The following LIFR variants were observed in gnomAD, a reference collection of about 807,000 sequenced individuals.
LIFR encodes LIF receptor subunit alpha, also known as leukemia inhibitory factor receptor.
LIFR carries 84 observed loss-of-function variants against 122.2 expected under a neutral mutation model. That is an observed-to-expected ratio of 0.69 (90% CI 0.58 to 0.82). LIFR has a LOEUF of 0.82. LIFR is among the 40% of genes least tolerant of loss of function. The pLI is 0.00. For synonymous variants in LIFR, 422 were observed against 434.7 expected (o/e 0.97, Z 0.36); for missense variants, 1,294 against 1,311.6 (o/e 0.99, Z 0.21).
chr5:38,513,488 A>C (rs1745913327), intron 5 of LIFR, among the ~76,000 whole-genome samples: 1 of 152,244 alleles, frequency 6.6e-6, no homozygotes, highest in Non-Finnish European at 1.5e-5. Context: ...ATAAAGATTT[A>C]TGTTCTGGAA....
intron 1 of LIFR, among the ~76,000 whole-genome samples, chr5:38,584,021 C>T (rs932062547): frequency 3.9e-4 from 58 of 149,086 alleles, no homozygotes; most frequent in African/African-American, 1.4e-3. Context: ...AAATCTCTCT[C>T]TTTTTTTTTT....
upstream of LIFR, among the ~76,000 whole-genome samples, chr5:38,595,621 A>G (rs757698542): frequency 1.3e-5 from 2 of 152,114 alleles, no homozygotes; most frequent in Non-Finnish European, 2.9e-5. Flanking sequence ...CATGAGTCCA[A>G]CCCAGGTTAG....
chr5:38,485,732 C>T (rs940976896), intron 17 of LIFR, 87 bp downstream of exon 17: 7 of 1,441,434 alleles, frequency 4.9e-6, no homozygotes, highest in African/African-American at 2.8e-5. Context: ...TTAGAAAGGG[C>T]GGGGAGGGGT....
At chr5:38,583,372 A>G (rs1299945291) in intron 1 of LIFR, among the ~76,000 whole-genome samples, 3 of 152,194 alleles carry the variant, frequency 2.0e-5, no homozygotes, top group Non-Finnish European at 2.9e-5. Context: ...GAAACGAACC[A>G]ATTCTCATGA....
intron 1 of LIFR, among the ~76,000 whole-genome samples, chr5:38,555,356 C>G (rs536643676): frequency 6.6e-6 from 1 of 152,314 alleles, no homozygotes; most frequent in Non-Finnish European, 1.5e-5. Flanking sequence ...GGTTTTTCCA[C>G]TTGTGAAAAG....
rs1404592372 is a variant in LIFR, at chr5:38,479,814, GATTGGATATATTTTTC to G, written c.*1765_*1780del. The G allele has an allele frequency of 4.4e-6, 1 of 229,696 alleles. No homozygotes were observed. The highest frequency in any genetic ancestry group is 5.7e-5 in the Admixed American group (1 of 17,640). The allele number at this position is 229,696 out of a possible 1,614,324, so 14.2% of individuals were successfully genotyped here. On this transcript the variant is annotated 3_prime_UTR_variant, in exon 20 of 20. Transcript: ENST00000453190. Reference sequence around the variant, plus strand: ...GAGAACACTCTTTAGGGATGGCTCTGATTGGATATATTTTTCATTACTGAACATTTCTATGAACTAT... The same window carrying G: ...GAGAACACTCTTTAGGGATGGCTCTGATTACTGAACATTTCTATGAACTAT...
Position 38,478,691 on chromosome 5 carries a change from G to A in LIFR, c.*2904C>T, listed in dbSNP as rs1338009724. The A allele has an allele frequency of 2.4e-5, 5 of 205,472 alleles. No individual in the cohort carries two copies. The highest frequency in any genetic ancestry group is 5.0e-5 in the Non-Finnish European group (5 of 100,180). 12.7% of individuals were successfully genotyped at this position (205,472 alleles called of 1,614,324 possible). A position where few individuals can be genotyped will look rare whatever the true frequency, so the allele number is the denominator to read the frequency against. On this transcript the variant is annotated 3_prime_UTR_variant, in exon 20 of 20. Coordinates refer to ENST00000453190, the MANE Select transcript of LIFR (RefSeq NM_001127671.2). Reference sequence around the variant, plus strand: ...CATAATGATCTCCATTCCTCGCAAGGGAAGCTTGATTTGAAACTGGCTTGT... The same window carrying A: ...CATAATGATCTCCATTCCTCGCAAGAGAAGCTTGATTTGAAACTGGCTTGT...
intron 1 of LIFR, among the ~76,000 whole-genome samples, chr5:38,594,677 A>T (rs1750040201): frequency 6.6e-6 from 1 of 152,228 alleles, no homozygotes; most frequent in Non-Finnish European, 1.5e-5. Flanking sequence ...ACTATTTCTC[A>T]TAAAATATTT....
intron 1 of LIFR, among the ~76,000 whole-genome samples, chr5:38,534,288 T>C (rs939544137): frequency 6.6e-6 from 1 of 152,228 alleles, no homozygotes; most frequent in African/African-American, 2.4e-5. Flanking sequence ...TCATAAACTC[T>C]GCAGTTTGGT....
intron 5 of LIFR, among the ~76,000 whole-genome samples, chr5:38,519,000 G>A (rs1464679861): frequency 2.0e-5 from 3 of 152,292 alleles, no homozygotes; most frequent in South Asian, 4.1e-4. Context: ...ATACAAAAAA[G>A]CTTGTAGAGT....
Position 38,493,772 on chromosome 5 carries a change from T to C in LIFR, c.1899A>G (p.Ile633Met), listed in dbSNP as rs2303743. The change falls in exon 14 of 20, where the codon ATA becomes ATG. Residue 633 changes from isoleucine to methionine, a missense_variant. By Grantham distance (10) the Ile-to-Met change is conservative. Coordinates refer to ENST00000453190, the MANE Select transcript of LIFR (RefSeq NM_001127671.2). ...CCTTTCCCATCCCAACAACTTGTTC[T>C]ATTTTGAGATCATCTTCAATAAGAA... is the stretch of plus-strand genomic sequence containing the variant. ...SMEIPNDDLK[I>M]EQVVGMGKGI... The C allele has an allele frequency of 3.7e-3, 5,992 of 1,613,954 alleles. 93 individuals carry two copies. Among genetic ancestry groups the C allele is most frequent in the Admixed American group, 0.035 (2,082 of 60,030 alleles).
At chr5:38,589,098 T>C (rs1303690784) in intron 1 of LIFR, among the ~76,000 whole-genome samples, 1 of 151,408 alleles carries the variant, frequency 6.6e-6, no homozygotes, top group Non-Finnish European at 1.5e-5. Context: ...CCTGGGTTCA[T>C]GCCATTCTCC....
intron 1 of LIFR, among the ~76,000 whole-genome samples, chr5:38,582,839 C>T (rs925047213): frequency 6.6e-6 from 1 of 152,178 alleles, no homozygotes; most frequent in Non-Finnish European, 1.5e-5. Flanking sequence ...CAGGGAATTC[C>T]CTGCTGCCAC....
intron 1 of LIFR, among the ~76,000 whole-genome samples, chr5:38,586,766 A>G (rs1023063679): frequency 2.0e-5 from 3 of 151,918 alleles, no homozygotes; most frequent in South Asian, 2.1e-4. Flanking sequence ...CATCAAAGCC[A>G]TTTTCTGTGT....
rs534428841 is a variant in LIFR, at chr5:38,586,058, C to A, written c.-20+9203G>T. Among the ~76,000 whole-genome samples, 75 of 152,302 alleles carry A rather than the reference C, an allele frequency of 4.9e-4. No individual in the cohort carries two copies. The South Asian group carries it at 6.2e-3, about 13-fold the overall frequency. The stretch of plus-strand genomic sequence containing the variant: ...CGGTATCCGCTTCCCCTTTTCCCCA[C>A]TTCCCCAGCCACTGAGACATAAGTA... On this transcript the variant is annotated intron_variant, in intron 1 of 19. Coordinates refer to the LIFR transcript ENST00000263409.
At chr5:38,515,179 T>C (rs1199382444) in intron 5 of LIFR, among the ~76,000 whole-genome samples, 2 of 152,162 alleles carry the variant, frequency 1.3e-5, no homozygotes, top group African/African-American at 2.4e-5. Context: ...CATTCAAACC[T>C]AGAACTGCTT....
At chr5:38,569,534 A>G (rs1040774307) in intron 1 of LIFR, among the ~76,000 whole-genome samples, 4 of 152,020 alleles carry the variant, frequency 2.6e-5, no homozygotes, top group African/African-American at 7.2e-5. Flanking sequence ...TAGGTTGCAT[A>G]CTCCTTATGA....
chr5:38,560,609 T>G (rs372328147), upstream of LIFR, among the ~76,000 whole-genome samples: 15 of 152,004 alleles, frequency 9.9e-5, no homozygotes, highest in East Asian at 1.2e-3. Context: ...TTTGTTTTTT[T>G]TTTTTTAGGC....
At chr5:38,590,815 C>G (rs1054776020) in intron 1 of LIFR, among the ~76,000 whole-genome samples, 1 of 152,192 alleles carries the variant, frequency 6.6e-6, no homozygotes, top group Non-Finnish European at 1.5e-5. Context: ...TCCAAGCACA[C>G]AGCATTCAAA....
Sources: gnomAD v4.1 joint callset for allele counts (sites outside exome capture counted in the v4.1 genomes callset) on GRCh38, gnomAD v4.1.1 for gene constraint, MANE v1.5 for transcripts, NCBI Gene and HGNC (gene_info 2026-07-23, HGNC 2026-07-21) for gene names.